The following PTN variants were observed in gnomAD, a reference collection of about 807,000 sequenced individuals.
The protein encoded by PTN is heparin affin regulatory protein.
In PTN, 18 loss-of-function variants were observed where a neutral mutation model predicts 24.1. The ratio of observed to expected loss-of-function variants is 0.75; its 90% CI spans 0.52 to 1.11. PTN has a LOEUF of 1.11. Ranked by LOEUF, PTN falls within the 50% of genes least tolerant of loss-of-function variation. PTN has a pLI of 0.00. For missense variants in PTN, 163 were observed against 198.8 expected (o/e 0.82, Z 1.08); for synonymous variants, 78 against 68.6 (o/e 1.14, Z -0.67).
At chr7:137,291,905 A>C (rs1306005107) in intron 1 of PTN, among the ~76,000 whole-genome samples, 7 of 152,258 alleles carry the variant, frequency 4.6e-5, no homozygotes, top group African/African-American at 1.7e-4. Flanking sequence ...TGAGAAGTAG[A>C]TGTAACTTGG....
In PTN at chr7:137,232,453, TG is replaced by T. The variant is rs573625080; in HGVS notation, c.452-4379del. Among the ~76,000 whole-genome samples, 3 of 151,982 alleles carry T rather than the reference TG, an allele frequency of 2.0e-5. No homozygotes were observed. In the South Asian group the frequency reaches 6.2e-4, roughly 32 times the overall value. On this transcript the variant is annotated intron_variant, in intron 4 of 4. Transcript: ENST00000348225. The stretch of plus-strand genomic sequence containing the variant: ...GTAGGTGTGTATTTTTGTAACTTTG[TG>T]GGGGGTTTTTAAATACAAATACATT...
rs559212677 is a variant in PTN, at chr7:137,227,962, CA to C, written c.*57del. ...ACAAAGCCTACGGTACATATAAATG[CA>C]ATAGTTAACTGATCCTGTTTGCTGA... On this transcript the variant is annotated 3_prime_UTR_variant, in exon 5 of 5. Transcript: ENST00000348225. 1.3e-4 allele frequency: 204 copies of C among 1,588,786 alleles called. No homozygotes were observed. The East Asian group carries it at 4.0e-3, about 31-fold the overall frequency.
chr7:137,280,313 T>C (rs1010770415), intron 1 of PTN, among the ~76,000 whole-genome samples: 2 of 152,052 alleles, frequency 1.3e-5, no homozygotes, highest in Non-Finnish European at 1.5e-5. Flanking sequence ...TGGGTTGAAA[T>C]AGTTGGTAGG....
chr7:137,299,093 G>C (rs569705706), intron 1 of PTN, among the ~76,000 whole-genome samples: 1 of 152,026 alleles, frequency 6.6e-6, no homozygotes, highest in Admixed American at 6.6e-5. Flanking sequence ...CCCATGCTAC[G>C]TTTCCATGGG....
At chr7:137,295,266 T>C (rs1000624199) in intron 1 of PTN, among the ~76,000 whole-genome samples, 14 of 152,206 alleles carry the variant, frequency 9.2e-5, no homozygotes, top group African/African-American at 3.1e-4. Context: ...GCTTGAAGTA[T>C]AGTAGATATT....
intron 4 of PTN, among the ~76,000 whole-genome samples, chr7:137,243,145 C>G (rs1025684236): frequency 1.3e-5 from 2 of 152,082 alleles, no homozygotes; most frequent in African/African-American, 4.8e-5. Flanking sequence ...CCATGTTGGC[C>G]AGGATGGTCT....
At chr7:137,335,845 C>T (rs1810438637) in intron 1 of PTN, among the ~76,000 whole-genome samples, 3 of 151,434 alleles carry the variant, frequency 2.0e-5, no homozygotes, top group African/African-American at 7.3e-5. Flanking sequence ...GCTTTTAAGA[C>T]ACTTCAGAAG....
chr7:137,251,057 T>C (rs1808817158), intron 4 of PTN, among the ~76,000 whole-genome samples, 173 bp downstream of exon 4: 1 of 152,230 alleles, frequency 6.6e-6, no homozygotes, highest in African/African-American at 2.4e-5. Context: ...ACTCACAGGC[T>C]GCCTGCTTCA....
chr7:137,237,411 C>T (rs1405624739), intron 4 of PTN, among the ~76,000 whole-genome samples: 1 of 152,038 alleles, frequency 6.6e-6, no homozygotes, highest in African/African-American at 2.4e-5. Context: ...TCACGACAGC[C>T]CTAGCAGACT....
intron 1 of PTN, among the ~76,000 whole-genome samples, chr7:137,330,373 T>C (rs1230074478): frequency 6.6e-6 from 1 of 151,848 alleles, no homozygotes; most frequent in Non-Finnish European, 1.5e-5. Flanking sequence ...AGAAGAGACA[T>C]ACCCAACCTA....
At chr7:137,290,318 A>C (rs887492648) in intron 1 of PTN, among the ~76,000 whole-genome samples, 2 of 152,194 alleles carry the variant, frequency 1.3e-5, no homozygotes, top group African/African-American at 2.4e-5. Context: ...CAATAAAAAC[A>C]AATGGTGTTC....
intron 3 of PTN, among the ~76,000 whole-genome samples, chr7:137,252,614 G>A (rs1057003367): frequency 1.3e-5 from 2 of 151,852 alleles, no homozygotes; most frequent in Admixed American, 6.6e-5. Context: ...AAAGATTACA[G>A]AGGGAGAAAA....
chr7:137,301,129 A>C (rs138963925), intron 1 of PTN, among the ~76,000 whole-genome samples: 3 of 152,158 alleles, frequency 2.0e-5, no homozygotes, highest in East Asian at 1.9e-4. Context: ...ACATCCTTAC[A>C]TGACTAGAGT....
intron 1 of PTN, among the ~76,000 whole-genome samples, chr7:137,287,254 G>C (rs1809571000): frequency 6.6e-6 from 1 of 152,118 alleles, no homozygotes; most frequent in Non-Finnish European, 1.5e-5. Flanking sequence ...CACAATTTAT[G>C]AACAATTTGC....
chr7:137,250,833 C>T (rs1343813271), intron 4 of PTN, among the ~76,000 whole-genome samples: 1 of 152,136 alleles, frequency 6.6e-6, no homozygotes, highest in African/African-American at 2.4e-5. Flanking sequence ...TTTGTGAAAA[C>T]TATATTTCAG....
At chr7:137,247,199 A>C (rs1480775161) in intron 4 of PTN, among the ~76,000 whole-genome samples, 1 of 152,212 alleles carries the variant, frequency 6.6e-6, no homozygotes, top group Admixed American at 6.5e-5. Context: ...CAGTATATTG[A>C]AAAGATATCT....
chr7:137,304,452 AT>A (rs1334494976), intron 1 of PTN, among the ~76,000 whole-genome samples: 1 of 151,798 alleles, frequency 6.6e-6, no homozygotes, highest in Non-Finnish European at 1.5e-5. Flanking sequence ...CCCCCTCCCC[AT>A]CAAAAAAAGA....
chr7:137,264,526 C>T (rs1809103128), intron 1 of PTN, among the ~76,000 whole-genome samples: 1 of 152,154 alleles, frequency 6.6e-6, no homozygotes, highest in African/African-American at 2.4e-5. Flanking sequence ...GTTGGCGAAG[C>T]TGCTCCCATC....
chr7:137,262,205 G>A (rs1022435340), intron 1 of PTN, among the ~76,000 whole-genome samples: 9 of 152,058 alleles, frequency 5.9e-5, no homozygotes, highest in Non-Finnish European at 2.9e-5. Context: ...TTTTCAGACA[G>A]TAATGAGATC....
Sources: allele counts gnomAD v4.1 joint callset (sites outside exome capture counted in the v4.1 genomes callset), GRCh38; gene constraint gnomAD v4.1.1; transcripts MANE v1.5; gene names NCBI Gene and HGNC (gene_info 2026-07-23, HGNC 2026-07-21).